Variants in GSE1 observed in about 807,000 individuals in gnomAD.
The protein encoded by GSE1 is genetic suppressor element 1.
A neutral mutation model predicts 112.6 loss-of-function variants in GSE1; 32 were observed. The ratio of observed to expected loss-of-function variants is 0.28; its 90% CI spans 0.21 to 0.38. The LOEUF (loss-of-function observed/expected upper bound fraction) is 0.38. GSE1 is among the 10% of genes least tolerant of loss of function. The probability of loss-of-function intolerance (pLI) is 1.00; values close to 1 mark genes in which losing one functional copy is unlikely to be tolerated. For synonymous variants in GSE1, 1,115 were observed against 735.6 expected (o/e 1.52, Z -8.35); for missense variants, 2,348 against 1,699.2 (o/e 1.38, Z -6.71).
At chr16:85,666,423 CTCAGCCGT>C (rs1160291764) in intron 13 of GSE1, 76 bp downstream of exon 13, 20 of 1,463,790 alleles carry the variant, frequency 1.4e-5, no homozygotes, top group African/African-American at 8.4e-5. Flanking sequence ...GCCACAGCTG[CTCAGCCGT>C]TCAGCCGTGG....
chr16:85,259,719 G>A (rs188147688), intron 1 of GSE1, among the ~76,000 whole-genome samples: 8 of 152,296 alleles, frequency 5.3e-5, no homozygotes, highest in African/African-American at 1.4e-4. Flanking sequence ...GCCCCTGCCC[G>A]TGTGCCCACC....
chr16:85,469,357 A>G (rs1274592889), intron 2 of GSE1, among the ~76,000 whole-genome samples: 1 of 152,184 alleles, frequency 6.6e-6, no homozygotes, highest in African/African-American at 2.4e-5. Context: ...AGATGGAGGC[A>G]GAGATGGGAG....
At chr16:85,639,601 G>T (rs1237367261) in intron 2 of GSE1, among the ~76,000 whole-genome samples, 1 of 152,248 alleles carries the variant, frequency 6.6e-6, no homozygotes, top group Non-Finnish European at 1.5e-5. Flanking sequence ...CCCCGAGGGT[G>T]CCCCGGGAAC....
upstream of GSE1, among the ~76,000 whole-genome samples, chr16:85,552,028 T>C (rs2044939275): frequency 6.9e-6 from 1 of 145,072 alleles, no homozygotes; most frequent in South Asian, 2.2e-4. Flanking sequence ...TCTTTCTTTC[T>C]TTTTTTTTTT....
At chr16:85,671,170 A>T in intron 15 of GSE1, 72 bp downstream of exon 15, 4 of 882,548 alleles carry the variant, frequency 4.5e-6, no homozygotes, top group South Asian at 4.2e-5. Flanking sequence ...ACCCATGCAG[A>T]TAAGTTTCAG....
rs547922577 is a variant in GSE1, at chr16:85,260,307, T to C, written c.2283+88500T>C. Among the ~76,000 whole-genome samples, 29 of 148,144 alleles carry C rather than the reference T, an allele frequency of 2.0e-4. No individual in the cohort carries two copies. In the South Asian group the frequency reaches 5.5e-3, roughly 28 times the overall value. On this transcript the variant is annotated intron_variant, in intron 1 of 2. Coordinates refer to the GSE1 transcript ENST00000637419. The stretch of plus-strand genomic sequence containing the variant: ...ACATTTCTTTTTTATTTTTCCTTTT[T>C]CTTTTTCTTTTCTTTTTTTTTTTTT...
chr16:85,514,595 A>T (rs1352547693), intron 2 of GSE1, among the ~76,000 whole-genome samples: 4 of 151,816 alleles, frequency 2.6e-5, no homozygotes, highest in Admixed American at 6.5e-5. Context: ...CCCACTCTTC[A>T]CCCTGCTGGG....
rs752208509 is a variant in GSE1 at position 85,657,266 on chromosome 16, TC to T, written c.1313-5del. 1.3e-6 allele frequency: 2 copies of T among 1,517,136 alleles called. No homozygotes were observed. The highest frequency in any genetic ancestry group is 1.8e-6 in the Non-Finnish European group (2 of 1,129,454). 94.0% of individuals were successfully genotyped at this position (1,517,136 alleles called of 1,614,324 possible). A position where few individuals can be genotyped will look rare whatever the true frequency, so the allele number is the denominator to read the frequency against. On this transcript the variant is annotated splice_polypyrimidine_tract_variant and intron_variant, in intron 7 of 15. Coordinates refer to ENST00000253458, the MANE Select transcript of GSE1 (RefSeq NM_014615.5). ...GGCTGAGATCCTGCTTGACCGTGTT[TC>T]CCCCCACAGAGAAGCTGAAGGATGC...
chr16:85,614,638 G>A (rs1001487377), intron 1 of GSE1, among the ~76,000 whole-genome samples: 2 of 152,244 alleles, frequency 1.3e-5, no homozygotes, highest in African/African-American at 4.8e-5. Context: ...CAGCGTGCTG[G>A]CGGTGGGGGA....
chr16:85,180,022 G>C (rs1473822699), intron 1 of GSE1, among the ~76,000 whole-genome samples: 1 of 152,232 alleles, frequency 6.6e-6, no homozygotes, highest in Non-Finnish European at 1.5e-5. Context: ...GTTGGCGGGG[G>C]GCTGTGGGGC....
At chr16:85,626,189 G>A (rs897893356) in intron 1 of GSE1, among the ~76,000 whole-genome samples, 2 of 152,084 alleles carry the variant, frequency 1.3e-5, no homozygotes, top group Non-Finnish European at 2.9e-5. Flanking sequence ...TCTGGAGCAA[G>A]AAGACCTCTC....
chr16:85,605,592 G>T (rs1025804605), intron 1 of GSE1, among the ~76,000 whole-genome samples: 1 of 151,946 alleles, frequency 6.6e-6, no homozygotes, highest in Non-Finnish European at 1.5e-5. Context: ...TAAGGAAACG[G>T]GTGTGCAGTG....
intron 2 of GSE1, among the ~76,000 whole-genome samples, chr16:85,502,876 AAAAG>A (rs1311434509): frequency 6.6e-6 from 1 of 152,228 alleles, no homozygotes; most frequent in Non-Finnish European, 1.5e-5. Context: ...AGGGGGGTGA[AAAAG>A]AGCTGCCTGT....
intron 1 of GSE1, among the ~76,000 whole-genome samples, chr16:85,175,558 G>A (rs115910080): frequency 0.017 from 2,648 of 152,270 alleles, 68 homozygotes; most frequent in African/African-American, 0.06. Context: ...ATGCGTTGAC[G>A]CCCCCTTCCC....
At chr16:85,546,707 C>A (rs2044714190) in intron 2 of GSE1, among the ~76,000 whole-genome samples, 1 of 152,232 alleles carries the variant, frequency 6.6e-6, no homozygotes, top group Admixed American at 6.5e-5. Flanking sequence ...ATTCCTTCTC[C>A]CACATTCTCT....
intron 1 of GSE1, among the ~76,000 whole-genome samples, chr16:85,632,289 G>T (rs1435096976): frequency 6.6e-6 from 1 of 152,206 alleles, no homozygotes; most frequent in East Asian, 1.9e-4. Context: ...CCCAAGGTGT[G>T]AGCTCTCACT....
chr16:85,442,096 G>T (rs114949438), intron 2 of GSE1, among the ~76,000 whole-genome samples: 6,665 of 152,260 alleles, frequency 0.044, 490 homozygotes, highest in African/African-American at 0.15. Context: ...CAGGGCCTTT[G>T]CACCTGCTGT....
chr16:85,584,732 C>G (rs555017456), intron 1 of GSE1, among the ~76,000 whole-genome samples: 1 of 152,234 alleles, frequency 6.6e-6, no homozygotes, highest in Admixed American at 6.5e-5. Context: ...CGATAAAATT[C>G]TTTCAAATCA....
chr16:85,215,235 G>C lies in GSE1; in HGVS notation c.2283+43428G>C, dbSNP rs140557672. On this transcript the variant is annotated intron_variant, in intron 1 of 2. Transcript: ENST00000637419. ...TTTAACTGCTGCAAGCCTCACTTGTGTCATCTTTAAAATGGAGGTGCGAAA... is the reference window on the plus strand; with the variant it reads ...TTTAACTGCTGCAAGCCTCACTTGTCTCATCTTTAAAATGGAGGTGCGAAA... Among the ~76,000 whole-genome samples, 568 of 152,300 alleles carry C rather than the reference G, an allele frequency of 3.7e-3. 3 individuals are homozygous for C. Among genetic ancestry groups the C allele is most frequent in the African/African-American group, 0.013 (524 of 41,552 alleles).
Sources: allele counts gnomAD v4.1 joint callset (sites outside exome capture counted in the v4.1 genomes callset), GRCh38; gene constraint gnomAD v4.1.1; transcripts MANE v1.5; gene names NCBI Gene and HGNC (gene_info 2026-07-23, HGNC 2026-07-21).